The following INTS1 variants were observed in gnomAD, a reference collection of about 807,000 sequenced individuals.
INTS1 encodes integrator complex subunit 1.
In INTS1, 137 loss-of-function variants were observed where a neutral mutation model predicts 241.6. That is an observed-to-expected ratio of 0.57 (90% CI 0.49 to 0.65). INTS1 has a LOEUF of 0.65. Ranked by LOEUF, INTS1 falls within the 30% of genes least tolerant of loss-of-function variation. The pLI is 0.00. For synonymous variants in INTS1, 1,692 were observed against 1,337.8 expected, an observed-to-expected ratio of 1.26 and a Z score of -5.78; for missense variants, 3,073 against 3,032.2, an observed-to-expected ratio of 1.01 and a Z score of -0.32.
rs1352500225 is a variant in INTS1 at position 1,499,102 on chromosome 7, A to G, written c.1010T>C (p.Leu337Pro). The change falls in exon 8 of 48, where the codon CTG becomes CCG. Residue 337 changes from leucine to proline, a missense_variant. Transcript: ENST00000404767. ...EYVLDMLRDQ[L>P]NRRQPIDNVS... ...GTTGTCGATGGGCTGGCGCCGGTTC[A>G]GCTGGTCCCGCAGCATGTCCAGGAC... 1 of 1,611,012 alleles carries G rather than the reference A, an allele frequency of 6.2e-7. No individual in the cohort carries two copies. Among genetic ancestry groups the G allele is most frequent in the Non-Finnish European group, 8.5e-7 (1 of 1,179,542 alleles).
At position 1,489,697 on chromosome 7, in the gene INTS1, C is replaced by G. The variant is rs370923395; in HGVS notation, c.2166-15G>C. On this transcript the variant is annotated splice_polypyrimidine_tract_variant and intron_variant, in intron 16 of 47. Transcript: ENST00000404767. Reference sequence around the variant, plus strand: ...GAGGCTGGTACCTGGAAGGCAGGGGCGCCCCGACTCAGGCCCAGCGCACCA... The same window carrying G: ...GAGGCTGGTACCTGGAAGGCAGGGGGGCCCCGACTCAGGCCCAGCGCACCA... 103 of 1,488,538 alleles carry G rather than the reference C, an allele frequency of 6.9e-5. 2 individuals are homozygous for G. The highest frequency in any genetic ancestry group is 7.1e-5 in the Non-Finnish European group (79 of 1,111,296). 92.2% of individuals were successfully genotyped at this position (1,488,538 alleles called of 1,614,324 possible).
rs778381554 is a variant in INTS1 at position 1,484,097 on chromosome 7, G to A, written c.3335C>T (p.Ala1112Val). 8.9e-5 allele frequency: 143 copies of A among 1,612,420 alleles called. No individual in the cohort carries two copies. Among genetic ancestry groups the A allele is most frequent in the Middle Eastern group, 1.6e-4 (1 of 6,082 alleles). ...HLFSKLSPSA[A>V]SDAVLSALLS... ...CAGAGCGCTCAGCACGGCGTCCGAC[G>A]CGGCACTCGGGGAGAGCTTCGAGAA... Residue 1112 changes from alanine (A) to valine (V), a missense_variant, in exon 25 of 48, where the codon GCG becomes GTG. Coordinates refer to ENST00000404767, the MANE Select transcript of INTS1 (RefSeq NM_001080453.3).
Position 1,498,959 on chromosome 7 carries a change from CGGGG to C in INTS1, c.1137+12_1137+15del, listed in dbSNP as rs1783005953. 5 of 1,488,662 alleles carry C rather than the reference CGGGG, an allele frequency of 3.4e-6. No homozygotes were observed. The highest frequency in any genetic ancestry group is 4.5e-6 in the Non-Finnish European group (5 of 1,119,124). 92.2% of individuals were successfully genotyped at this position (1,488,662 alleles called of 1,614,324 possible). ...CCACCCCCTGCCCCGCCCACCCCCC[CGGGG>C]CGCCCCCGCACCTTGGGGTTCTGCA... On this transcript the variant is annotated intron_variant, in intron 8 of 47. Transcript: ENST00000404767.
At position 1,485,183 on chromosome 7, in the gene INTS1, T is replaced by A; in HGVS notation, c.3176A>T (p.Asp1059Val). 6.2e-7 allele frequency: 1 copy of A among 1,600,548 alleles called. No homozygotes were observed. The highest frequency in any genetic ancestry group is 1.1e-5 in the South Asian group (1 of 91,052). ...ALQQAIHMET[D>V]PQTISAYLIY... Reference sequence around the variant, plus strand: ...CAGGTAGGCGCTGATGGTCTGGGGATCAGTCTCCATGTGGATTGCCTGGAG... The same window carrying A: ...CAGGTAGGCGCTGATGGTCTGGGGAACAGTCTCCATGTGGATTGCCTGGAG... The change falls in exon 24 of 48, where the codon GAT becomes GTT. Residue 1059 changes from aspartate (D) to valine (V), a missense_variant. By Grantham distance (152) the Asp-to-Val change is radical (BLOSUM62 -3). Transcript: ENST00000404767.
At position 1,480,297 on chromosome 7, in the gene INTS1, A is replaced by C. The variant is rs1781935768; in HGVS notation, c.4074+20T>G. ...GAAGAGGGGCTGCAGGTGGAGACCC[A>C]CATGCAGCAGCAACGCTACCTGGAG... is the stretch of plus-strand genomic sequence containing the variant. On this transcript the variant is annotated intron_variant, in intron 30 of 47. Transcript: ENST00000404767. The C allele has an allele frequency of 1.3e-6, 2 of 1,591,936 alleles. No individual in the cohort carries two copies. The highest frequency in any genetic ancestry group is 1.7e-6 in the Non-Finnish European group (2 of 1,167,230).
Position 1,486,925 on chromosome 7 carries a change from C to A in INTS1, c.2823G>T (p.Arg941=). 1.2e-6 allele frequency: 2 copies of A among 1,600,354 alleles called. No homozygotes were observed. The highest frequency in any genetic ancestry group is 1.7e-6 in the Non-Finnish European group (2 of 1,177,080). Residue 941 remains arginine (R), a synonymous_variant, in exon 21 of 48, where the codon CGG becomes CGT. Transcript: ENST00000404767. ...CTGAGGGGTGGGCGGCCCTGACCTG[C>A]CGCTTCTTGGCCTTCTGCTCCTTGC... ...GESKEQKAKK[R]QRQQKQRQLL... is the part of the protein sequence containing the mutation.
chr7:1,492,945 G>A (rs1325091742), intron 16 of INTS1, 65 bp downstream of exon 16: 35 of 1,209,812 alleles, frequency 2.9e-5, no homozygotes, highest in Non-Finnish European at 3.7e-5. Flanking sequence ...GGCTTACCCG[G>A]GTGGGAGTGG....
rs1235538929 is a variant in INTS1 at position 1,495,531 on chromosome 7, G to T, written c.1734C>A (p.Phe578Leu). ...EKRNLEVLRS[F>L]QNQIAAIQRD... is the part of the protein sequence containing the mutation. ...GCTGGATGGCGGCAATCTGGTTCTG[G>T]AATGAGCGGAGCACTTCCAGGTCTG... The change falls in exon 13 of 48, where the codon TTC (phenylalanine) becomes TTA (leucine). Residue 578 changes from phenylalanine (F) to leucine (L), a missense_variant. Coordinates refer to ENST00000404767, the MANE Select transcript of INTS1 (RefSeq NM_001080453.3). 1 of 1,611,656 alleles carries T rather than the reference G, an allele frequency of 6.2e-7. No homozygotes were observed. Among genetic ancestry groups the T allele is most frequent in the Admixed American group, 1.7e-5 (1 of 59,852 alleles).
intron 14 of INTS1, 189 bp downstream of exon 14, chr7:1,494,627 T>C (rs1583148831): frequency 3.1e-6 from 2 of 648,278 alleles, no homozygotes; most frequent in East Asian, 5.5e-5. Flanking sequence ...ATCCCTACAG[T>C]GGCGCTGGGA....
intron 12 of INTS1, 115 bp downstream of exon 12, chr7:1,496,040 TG>T (rs971724756): frequency 2.0e-5 from 15 of 734,248 alleles, no homozygotes; most frequent in Non-Finnish European, 3.5e-5. Flanking sequence ...GTAGCCGTGC[TG>T]CGGGACCGCT....
chr7:1,487,671 C>T (rs756167010), intron 19 of INTS1, 89 bp downstream of exon 19: 31 of 1,508,882 alleles, frequency 2.1e-5, no homozygotes, highest in Admixed American at 3.4e-5. Context: ...CGGTCGGCTC[C>T]GCCTGCTCCT....
chr7:1,498,621 C>A, intron 9 of INTS1, 68 bp from the exon 10 acceptor site: 2 of 1,578,384 alleles, frequency 1.3e-6, no homozygotes, highest in South Asian at 1.1e-5. Context: ...TGTGCCCCCA[C>A]TCCGCCCGCA....
Position 1,498,959 on chromosome 7 carries a change from CGGGGCGCCCCCGCA to C in INTS1, c.1137+2_1137+15del, listed in dbSNP as rs1783006083. ...CCACCCCCTGCCCCGCCCACCCCCC[CGGGGCGCCCCCGCA>C]CCTTGGGGTTCTGCAGCCACATCTC... On this transcript the variant is annotated splice_donor_variant and splice_donor_5th_base_variant and intron_variant, in intron 8 of 47. Transcript: ENST00000404767. LOFTEE classifies it high-confidence loss of function. 2.0e-6 allele frequency: 3 copies of C among 1,488,796 alleles called. No homozygotes were observed. Among genetic ancestry groups the C allele is most frequent in the African/African-American group, 1.6e-5 (1 of 62,560 alleles). The allele number at this position is 1,488,796 out of a possible 1,614,324, so 92.2% of individuals were successfully genotyped here. A position where few individuals can be genotyped will look rare whatever the true frequency, so the allele number is the denominator to read the frequency against.
Position 1,480,893 on chromosome 7 carries a change from G to A in INTS1, c.3891C>T (p.Gly1297=), listed in dbSNP as rs573774369. The A allele has an allele frequency of 2.5e-4, 387 of 1,561,498 alleles. 3 individuals carry two copies. The highest frequency in any genetic ancestry group is 2.3e-3 in the Middle Eastern group (13 of 5,566). ...AHLVEVQHER[G]ASGGQTFHSL... ...AGTGGAAAGTCTGGCCTCCGGAGGC[G>A]CCGCGCTCATGCTGGACCTCCACCA... The change falls in exon 29 of 48, where the codon GGC becomes GGT. Residue 1297 remains glycine, a synonymous_variant. Transcript: ENST00000404767.
chr7:1,479,679 G>T lies in INTS1; in HGVS notation c.4080C>A (p.Phe1360Leu). 1 of 1,465,228 alleles carries T rather than the reference G, an allele frequency of 6.8e-7. No homozygotes were observed. The highest frequency in any genetic ancestry group is 9.0e-7 in the Non-Finnish European group (1 of 1,107,370). 90.8% of individuals were successfully genotyped at this position (1,465,228 alleles called of 1,614,324 possible). ...DDLAGMFLQI[F>L]PLSPDPRWQS... ...GCCACCGAGGGTCCGGGCTGAGCGG[G>T]AAAATCTGGAACGGGGAAGGCCAGT... is the stretch of plus-strand genomic sequence containing the variant. The change falls in exon 31 of 48, where the codon TTC becomes TTA. Residue 1360 changes from phenylalanine (F) to leucine (L), a missense_variant. Physicochemically the swap from Phe to Leu is conservative, Grantham distance 22. Coordinates refer to ENST00000404767, the MANE Select transcript of INTS1 (RefSeq NM_001080453.3).
Position 1,496,103 on chromosome 7 carries a change from G to A in INTS1, c.1711+53C>T, listed in dbSNP as rs1294673065. On this transcript the variant is annotated intron_variant, in intron 12 of 47. Transcript: ENST00000404767. Reference sequence around the variant, plus strand: ...AGCCTCGGAGAGCCGCCAGCCACCAGCCTGGACCCGAGACCCCCACCAAGC... The same window carrying A: ...AGCCTCGGAGAGCCGCCAGCCACCAACCTGGACCCGAGACCCCCACCAAGC... The A allele has an allele frequency of 4.1e-6, 6 of 1,446,632 alleles. No individual in the cohort carries two copies. In the Admixed American group the frequency reaches 6.8e-5, roughly 16 times the overall value. The allele number at this position is 1,446,632 out of a possible 1,614,324, so 89.6% of individuals were successfully genotyped here.
chr7:1,503,302 G>T (rs193125009), intron 2 of INTS1, 111 bp from the exon 3 acceptor site: 1 of 1,204,498 alleles, frequency 8.3e-7, no homozygotes, highest in Non-Finnish European at 1.2e-6. Flanking sequence ...GTCAGAGGAG[G>T]CAAGGAAGAA....
Position 1,470,687 on chromosome 7 carries a change from C to A in INTS1, c.6463G>T (p.Ala2155Ser). The change falls in exon 48 of 48, where the codon GCG becomes TCG. Residue 2155 changes from alanine to serine, a missense_variant. Transcript: ENST00000404767. ...PEYALLCQEHAAVLLHRAFLV... is the reference protein window; with the variant it reads ...PEYALLCQEHSAVLLHRAFLV... ...AAGGCCCGGTGGAGCAGCACAGCCG[C>A]GTGCTCTGTGGGGGAAACGGGGCCC... The A allele has an allele frequency of 1.9e-6, 3 of 1,552,626 alleles. No individual in the cohort carries two copies. The highest frequency in any genetic ancestry group is 2.6e-6 in the Non-Finnish European group (3 of 1,148,564).
Position 1,477,768 on chromosome 7 carries a change from C to A in INTS1, c.4799G>T (p.Gly1600Val), listed in dbSNP as rs774536308. 1 of 1,612,378 alleles carries A rather than the reference C, an allele frequency of 6.2e-7. No homozygotes were observed. Among genetic ancestry groups the A allele is most frequent in the East Asian group, 2.2e-5 (1 of 44,888 alleles). The part of the protein sequence containing the change: ...EEEPLAGGKP[G>V]ADGGSLEAVR... ...CCCAGCTCACCTGCCACCGTCCGCA[C>A]CCGGCTTCCCCCCAGCCAGGGGCTC... Residue 1600 changes from glycine to valine, a missense_variant, in exon 34 of 48, where the codon GGT becomes GTT. By Grantham distance (109) the Gly-to-Val change is moderately radical. Transcript: ENST00000404767.
Sources: gnomAD v4.1 joint callset for allele counts on GRCh38, gnomAD v4.1.1 for gene constraint, MANE v1.5 for transcripts, NCBI Gene and HGNC (gene_info 2026-07-23, HGNC 2026-07-21) for gene names.